The following SPECC1 variants were observed in gnomAD, a reference collection of about 807,000 sequenced individuals.
SPECC1 encodes cytospin-B.
Under a neutral mutation model 104.1 loss-of-function variants are expected in SPECC1, and 62 were observed. The observed-to-expected ratio is 0.60, with a 90% CI of 0.49 to 0.74. The LOEUF (loss-of-function observed/expected upper bound fraction) is 0.74, where lower values mean the gene tolerates loss of function less well. SPECC1 is among the 30% of genes least tolerant of loss of function. The probability of loss-of-function intolerance (pLI) is 0.00; values close to 1 mark genes in which losing one functional copy is unlikely to be tolerated. For synonymous variants in SPECC1, 513 were observed against 501.6 expected (o/e 1.02, Z -0.30); for missense variants, 1,306 against 1,310.5 (o/e 1.00, Z 0.05).
intron 1 of SPECC1, among the ~76,000 whole-genome samples, chr17:20,078,953 G>T (rs561746526): frequency 1.3e-5 from 2 of 152,184 alleles, no homozygotes; most frequent in Non-Finnish European, 2.9e-5. Context: ...AAATAAACAG[G>T]CATTTTTCCG....
chr17:20,255,265 G>A (rs911107374), intron 10 of SPECC1, among the ~76,000 whole-genome samples: 1 of 152,164 alleles, frequency 6.6e-6, no homozygotes, highest in Non-Finnish European at 1.5e-5. Context: ...GAGAGAGTAC[G>A]TGCTCCAGGA....
rs921265951 is a variant in SPECC1, at chr17:20,295,536, G to C, written c.2941-1425G>C. On this transcript the variant is annotated intron_variant, in intron 12 of 14. Coordinates refer to ENST00000395527, the MANE Select transcript of SPECC1 (RefSeq NM_001243439.2). ...TTATAATCTTTTGGATATATGCCCA[G>C]TAATGGGATGGCTGGGTCAAATGGT... Among the ~76,000 whole-genome samples, 35 of 152,294 alleles carry C rather than the reference G, an allele frequency of 2.3e-4. No individual in the cohort carries two copies. In the Middle Eastern group the frequency reaches 0.01, roughly 44 times the overall value.
intron 1 of SPECC1, among the ~76,000 whole-genome samples, chr17:20,088,245 C>T (rs1377310881): frequency 6.6e-6 from 1 of 152,086 alleles, no homozygotes; most frequent in Non-Finnish European, 1.5e-5. Flanking sequence ...AATTTTGAAA[C>T]TTTAATTTTA....
chr17:20,036,331 T>G (rs944741947), intron 1 of SPECC1, among the ~76,000 whole-genome samples: 1 of 152,050 alleles, frequency 6.6e-6, no homozygotes, highest in African/African-American at 2.4e-5. Context: ...GATTTCACTA[T>G]GTTGACCATT....
Position 20,213,790 on chromosome 17 carries a change from A to G in SPECC1, c.1863+7878A>G, listed in dbSNP as rs192548511. 3.3e-5 allele frequency among the ~76,000 whole-genome samples: 5 copies of G among 152,288 alleles called. No homozygotes were observed. The East Asian group carries it at 9.7e-4, about 29-fold the overall frequency. ...CAGGTAGTTTGTCCTTGTTGGAGTG[A>G]ACAGGGTGGTCAGTGGAAGTGGCCT... On this transcript the variant is annotated intron_variant, in intron 4 of 14. Coordinates refer to ENST00000395527, the MANE Select transcript of SPECC1 (RefSeq NM_001243439.2).
intron 2 of SPECC1, among the ~76,000 whole-genome samples, chr17:20,098,999 G>A (rs1443710104): frequency 1.3e-5 from 2 of 152,180 alleles, no homozygotes; most frequent in Admixed American, 1.3e-4. Context: ...TTGGGGGCGT[G>A]GGGCTGGCCT....
At chr17:20,230,166 A>G (rs976158120) in intron 5 of SPECC1, among the ~76,000 whole-genome samples, 1 of 152,174 alleles carries the variant, frequency 6.6e-6, no homozygotes, top group African/African-American at 2.4e-5. Flanking sequence ...GTTGATGAGA[A>G]TGTTGTGACC....
chr17:20,015,935 G>C (rs1048149515), intron 1 of SPECC1, among the ~76,000 whole-genome samples: 5 of 149,134 alleles, frequency 3.4e-5, no homozygotes, highest in African/African-American at 4.9e-5. Flanking sequence ...AGATAGGCAG[G>C]GCGCAGTGGC....
At position 20,096,679 on chromosome 17, in the gene SPECC1, C is replaced by G. The variant is rs1023903536; in HGVS notation, c.28C>G (p.Pro10Ala). Residue 10 changes from proline (P) to alanine (A), a missense_variant, in exon 2 of 15, where the codon CCA (proline) becomes GCA (alanine). Transcript: ENST00000395527. MRSAAKPWN[P>A]AIRAGGHGPD... ...GCGGAGTGCAGCCAAGCCCTGGAAC[C>G]CAGCCATCAGAGCAGGGGGCCACGG... 12 of 1,613,996 alleles carry G rather than the reference C, an allele frequency of 7.4e-6. No individual in the cohort carries two copies. In the African/African-American group the frequency reaches 9.3e-5, roughly 13 times the overall value.
chr17:20,300,658 C>T (rs2041545978), intron 13 of SPECC1, among the ~76,000 whole-genome samples: 1 of 152,238 alleles, frequency 6.6e-6, no homozygotes, highest in Non-Finnish European at 1.5e-5. Context: ...TGTGTCTGGC[C>T]CTAGTCTCTG....
At chr17:20,080,640 G>A (rs548110727) in intron 1 of SPECC1, among the ~76,000 whole-genome samples, 9 of 152,132 alleles carry the variant, frequency 5.9e-5, no homozygotes, top group Middle Eastern at 3.4e-3. Flanking sequence ...GGAGGGTCTC[G>A]GGTTGTCTTG....
At chr17:20,051,319 G>A (rs557725356) in intron 1 of SPECC1, among the ~76,000 whole-genome samples, 4 of 151,898 alleles carry the variant, frequency 2.6e-5, no homozygotes, top group Admixed American at 6.6e-5. Flanking sequence ...GGGGTTACAG[G>A]GACCTGCCAC....
At chr17:20,212,438 C>T (rs1165820409) in intron 4 of SPECC1, among the ~76,000 whole-genome samples, 1 of 152,174 alleles carries the variant, frequency 6.6e-6, no homozygotes, top group South Asian at 2.1e-4. Context: ...GGATGCCTCA[C>T]AATCATGGTG....
intron 3 of SPECC1, among the ~76,000 whole-genome samples, chr17:20,149,853 T>C (rs1336349292): frequency 6.6e-6 from 1 of 152,240 alleles, no homozygotes; most frequent in Non-Finnish European, 1.5e-5. Context: ...AAAACAGTTT[T>C]GTTTTATAAA....
In SPECC1 at chr17:20,084,404, C is replaced by T. The variant is rs140398373; in HGVS notation, c.-21-12227C>T. Among the ~76,000 whole-genome samples, 10 of 152,240 alleles carry T rather than the reference C, an allele frequency of 6.6e-5. No individual in the cohort carries two copies. The East Asian group carries it at 1.7e-3, about 26-fold the overall frequency. On this transcript the variant is annotated intron_variant, in intron 1 of 14. Transcript: ENST00000395527. ...AGACTGTGCCGTTGCCATTGCACTCCAGCCTGGGCGACAAGGGGAAGACTC... is the reference window on the plus strand; with the variant it reads ...AGACTGTGCCGTTGCCATTGCACTCTAGCCTGGGCGACAAGGGGAAGACTC...
intron 14 of SPECC1, among the ~76,000 whole-genome samples, chr17:20,312,185 T>C (rs1232509200): frequency 6.6e-6 from 1 of 152,186 alleles, no homozygotes; most frequent in South Asian, 2.1e-4. Flanking sequence ...GTAGAATTGG[T>C]ATTATTTCTT....
At chr17:20,034,585 C>A (rs1204412515) in intron 1 of SPECC1, among the ~76,000 whole-genome samples, 3 of 150,184 alleles carry the variant, frequency 2.0e-5, no homozygotes, top group Non-Finnish European at 4.4e-5. Flanking sequence ...GCCTTACATC[C>A]CAAAGATTTT....
intron 9 of SPECC1, among the ~76,000 whole-genome samples, chr17:20,248,779 G>A (rs941339722): frequency 6.6e-5 from 10 of 151,980 alleles, no homozygotes; most frequent in Admixed American, 2.0e-4. Flanking sequence ...ATATGTAATT[G>A]TATTACCTTT....
intron 3 of SPECC1, among the ~76,000 whole-genome samples, chr17:20,142,652 G>T (rs1803963523): frequency 6.6e-6 from 1 of 152,154 alleles, no homozygotes; most frequent in African/African-American, 2.4e-5. Context: ...GGAGGAGGGA[G>T]TAGAGAGTTA....
Sources: allele counts gnomAD v4.1 joint callset (sites outside exome capture counted in the v4.1 genomes callset), GRCh38; gene constraint gnomAD v4.1.1; transcripts MANE v1.5; gene names NCBI Gene and HGNC (gene_info 2026-07-23, HGNC 2026-07-21).